IGF1R: variants seen among roughly 807,000 people sequenced by gnomAD.
The protein encoded by IGF1R is insulin-like growth factor 1 receptor.
Under a neutral mutation model 144.6 loss-of-function variants are expected in IGF1R, and 44 were observed. The ratio of observed to expected loss-of-function variants is 0.30; its 90% CI spans 0.24 to 0.39. The LOEUF (loss-of-function observed/expected upper bound fraction) is 0.39, where lower values mean the gene tolerates loss of function less well. IGF1R is among the 10% of genes least tolerant of loss of function. IGF1R has a pLI of 1.00. For synonymous variants in IGF1R, 795 were observed against 722.8 expected, an observed-to-expected ratio of 1.10 and a Z score of -1.60; for missense variants, 1,355 against 1,833.7, an observed-to-expected ratio of 0.74 and a Z score of 4.77.
At chr15:98,663,136 G>T (rs540735189) in intron 1 of IGF1R, among the ~76,000 whole-genome samples, 1 of 152,306 alleles carries the variant, frequency 6.6e-6, no homozygotes, top group East Asian at 1.9e-4. Context: ...GACTGGACAG[G>T]TTGGCCCAGC....
chr15:98,777,483 G>A (rs956736267), intron 2 of IGF1R, among the ~76,000 whole-genome samples: 5 of 152,224 alleles, frequency 3.3e-5, no homozygotes, highest in African/African-American at 4.8e-5. Context: ...TCTGCTCACC[G>A]ACCTCGGAAG....
intron 20 of IGF1R, chr15:98,954,072 C>T (rs571582502): frequency 2.0e-5 from 3 of 152,384 alleles, no homozygotes; most frequent in East Asian, 1.9e-4. Flanking sequence ...GGGCTGGGGC[C>T]GTGCTGATTC....
chr15:98,940,205 A>G (rs893826967), intron 18 of IGF1R, among the ~76,000 whole-genome samples: 18 of 152,240 alleles, frequency 1.2e-4, no homozygotes, highest in African/African-American at 4.3e-4. Flanking sequence ...TTAGAAAAAT[A>G]CCAAATATTT....
At chr15:98,930,046 A>G (rs2015878490) in intron 14 of IGF1R, among the ~76,000 whole-genome samples, 189 bp from the exon 15 acceptor site, 1 of 152,210 alleles carries the variant, frequency 6.6e-6, no homozygotes, top group East Asian at 1.9e-4. Context: ...GTGTTAGCAA[A>G]TGTCTGCTGG....
At chr15:98,772,978 T>G (rs1035414278) in intron 2 of IGF1R, among the ~76,000 whole-genome samples, 2 of 152,172 alleles carry the variant, frequency 1.3e-5, no homozygotes, top group African/African-American at 4.8e-5. Flanking sequence ...ATACATGGAT[T>G]TATTTTCTAA....
intron 2 of IGF1R, among the ~76,000 whole-genome samples, chr15:98,708,529 A>AT (rs916900324): frequency 2.0e-5 from 3 of 152,124 alleles, no homozygotes; most frequent in Non-Finnish European, 4.4e-5. Context: ...GCGAAGTGAT[A>AT]TTTTTTGTTC....
rs1040017921 is a variant in IGF1R, at chr15:98,948,838, A to C, written c.3722+130A>C. The C allele has an allele frequency of 2.7e-6, 3 of 1,097,588 alleles. No individual in the cohort carries two copies. The African/African-American group carries it at 4.6e-5, about 17-fold the overall frequency. 68.0% of individuals were successfully genotyped at this position (1,097,588 alleles called of 1,614,324 possible). On this transcript the variant is annotated intron_variant, in intron 20 of 20. Coordinates refer to ENST00000650285, the MANE Select transcript of IGF1R (RefSeq NM_000875.5). ...TGCGCCTCCCTTGCCAGGCGTGGCT[A>C]AGAGGTTTGTCCTTGTGGAAGGAGC...
At chr15:98,663,016 CAGAT>C (rs926253893) in intron 1 of IGF1R, among the ~76,000 whole-genome samples, 19 of 152,008 alleles carry the variant, frequency 1.2e-4, no homozygotes, top group African/African-American at 2.4e-4. Context: ...GATTGGGGGA[CAGAT>C]AGACACCCCG....
chr15:98,894,832 C>T (rs1196674423), intron 3 of IGF1R, among the ~76,000 whole-genome samples: 1 of 151,964 alleles, frequency 6.6e-6, no homozygotes, highest in Admixed American at 6.6e-5. Context: ...GGTCAGGAGG[C>T]CAACATGGTG....
At chr15:98,670,560 G>C (rs2052862069) in intron 1 of IGF1R, among the ~76,000 whole-genome samples, 1 of 152,142 alleles carries the variant, frequency 6.6e-6, no homozygotes, top group African/African-American at 2.4e-5. Context: ...ATACATGGGA[G>C]GCTACTGGTG....
rs1244978236 is a variant in IGF1R at position 98,934,733 on chromosome 15, A to G, written c.2957-91A>G. 6 of 1,049,714 alleles carry G rather than the reference A, an allele frequency of 5.7e-6. No homozygotes were observed. In the Admixed American group the frequency reaches 7.6e-5, roughly 13 times the overall value. 65.0% of individuals were successfully genotyped at this position (1,049,714 alleles called of 1,614,324 possible). ...TTCTCTGTGGGTTTAAGGAAGCAGC[A>G]TCTTATATTCTTTGGCTTAGAGTTC... On this transcript the variant is annotated intron_variant, in intron 15 of 20. Transcript: ENST00000650285.
intron 4 of IGF1R, 109 bp from the exon 5 acceptor site, chr15:98,899,368 C>T: frequency 8.9e-7 from 1 of 1,127,660 alleles, no homozygotes; most frequent in Non-Finnish European, 1.3e-6. Context: ...CTGGGAGCAT[C>T]TCAGGGGGCA....
In IGF1R at chr15:98,924,028, T is replaced by C. The variant is rs1220406094; in HGVS notation, c.2622+16T>C. 6.2e-7 allele frequency: 1 copy of C among 1,612,646 alleles called. No homozygotes were observed. The highest frequency in any genetic ancestry group is 1.1e-5 in the South Asian group (1 of 91,038). ...ACAAGTTGAGGTAGGACTGGGGCAG[T>C]GGCCCGTGCCTGCATGTACTTCCAT... On this transcript the variant is annotated intron_variant, in intron 12 of 20. Coordinates refer to ENST00000650285, the MANE Select transcript of IGF1R (RefSeq NM_000875.5).
intron 20 of IGF1R, among the ~76,000 whole-genome samples, chr15:98,956,766 G>A (rs550259966): frequency 2.6e-5 from 4 of 152,342 alleles, no homozygotes; most frequent in African/African-American, 7.2e-5. Context: ...CAGCTGTCAC[G>A]ATGGACAGTG....
At chr15:98,917,248 C>T (rs1042938192) in intron 10 of IGF1R, among the ~76,000 whole-genome samples, 2 of 152,184 alleles carry the variant, frequency 1.3e-5, no homozygotes, top group African/African-American at 4.8e-5. Context: ...CATCTCTGCC[C>T]TTCCTAATTA....
At chr15:98,852,695 G>A (rs1191350323) in intron 2 of IGF1R, among the ~76,000 whole-genome samples, 1 of 152,230 alleles carries the variant, frequency 6.6e-6, no homozygotes, top group Non-Finnish European at 1.5e-5. Flanking sequence ...GCAGAGTGCA[G>A]AGTCGGGGAA....
intron 1 of IGF1R, among the ~76,000 whole-genome samples, chr15:98,700,972 G>A (rs570634533): frequency 3.3e-5 from 5 of 151,904 alleles, no homozygotes; most frequent in East Asian, 1.9e-4. Context: ...TTCTGCCTTC[G>A]TTGTGCAAAA....
chr15:98,826,040 A>G (rs2141489029), intron 2 of IGF1R, among the ~76,000 whole-genome samples: 1 of 152,294 alleles, frequency 6.6e-6, no homozygotes, highest in South Asian at 2.1e-4. Context: ...ATGAAATGGT[A>G]TAGTCTGTGT....
chr15:98,682,209 T>C lies in IGF1R; in HGVS notation c.95-25353T>C, dbSNP rs542797461. Among the ~76,000 whole-genome samples the C allele has an allele frequency of 2.6e-5, 4 of 152,338 alleles. No individual in the cohort carries two copies. In the South Asian group the frequency reaches 8.3e-4, roughly 32 times the overall value. ...TGAGTAACTTCCGTCTCCTAAATCATATTAGGACTCTTTGGTCTCCTATGG... is the reference window on the plus strand; with the variant it reads ...TGAGTAACTTCCGTCTCCTAAATCACATTAGGACTCTTTGGTCTCCTATGG... On this transcript the variant is annotated intron_variant, in intron 1 of 20. Coordinates refer to ENST00000650285, the MANE Select transcript of IGF1R (RefSeq NM_000875.5).
Sources: gnomAD v4.1 joint callset for allele counts (sites outside exome capture counted in the v4.1 genomes callset) on GRCh38, gnomAD v4.1.1 for gene constraint, MANE v1.5 for transcripts, NCBI Gene and HGNC (gene_info 2026-07-23, HGNC 2026-07-21) for gene names.